RAD51B: variants seen among roughly 807,000 people sequenced by gnomAD.
RAD51B encodes DNA repair protein RAD51 homolog 2.
Under a neutral mutation model 42.2 loss-of-function variants are expected in RAD51B, and 38 were observed. The observed-to-expected ratio is 0.90, with a 90% CI of 0.70 to 1.18. RAD51B has a LOEUF of 1.18. RAD51B is among the 50% of genes most tolerant of loss of function. The probability of loss-of-function intolerance (pLI) is 0.00; values close to 1 mark genes in which losing one functional copy is unlikely to be tolerated. For synonymous variants in RAD51B, 154 were observed against 145.2 expected, an observed-to-expected ratio of 1.06 and a Z score of -0.43; for missense variants, 373 against 400.7, an observed-to-expected ratio of 0.93 and a Z score of 0.59.
At chr14:68,171,338 G>A (rs1226906701) in intron 7 of RAD51B, among the ~76,000 whole-genome samples, 1 of 152,008 alleles carries the variant, frequency 6.6e-6, no homozygotes, top group Non-Finnish European at 1.5e-5. Context: ...CACTCCTGTT[G>A]CCCAGTCTGG....
chr14:68,362,848 C>CAAAAAAAAAATTA (rs1566833930), intron 8 of RAD51B, among the ~76,000 whole-genome samples: 5 of 142,958 alleles, frequency 3.5e-5, no homozygotes, highest in Non-Finnish European at 7.6e-5. Flanking sequence ...GATTCCGTCT[C>CAAAAAAAAAATTA]AAAAAAAAAA....
At chr14:68,407,085 G>A (rs2084296216) in intron 8 of RAD51B, among the ~76,000 whole-genome samples, 2 of 152,126 alleles carry the variant, frequency 1.3e-5, no homozygotes, top group Non-Finnish European at 2.9e-5. Flanking sequence ...CTTAAAATAA[G>A]TAGAATATAC....
chr14:68,315,948 A>G (rs2082053317), intron 8 of RAD51B, among the ~76,000 whole-genome samples: 1 of 152,206 alleles, frequency 6.6e-6, no homozygotes, highest in Admixed American at 6.5e-5. Context: ...GAACAACAGC[A>G]TTGCTCTTTT....
chr14:68,414,426 G>A (rs1274737495), intron 9 of RAD51B, among the ~76,000 whole-genome samples: 1 of 152,084 alleles, frequency 6.6e-6, no homozygotes, highest in Non-Finnish European at 1.5e-5. Flanking sequence ...CCAAAGACAT[G>A]TTCTTAGAGT....
chr14:68,565,489 C>CA lies in RAD51B; in HGVS notation c.1037-28986dup, dbSNP rs61666239. On this transcript the variant is annotated intron_variant, in intron 10 of 10. Coordinates refer to the RAD51B transcript ENST00000487270. The surrounding 1 kb of genome is among the most constrained non-coding windows in gnomAD (Gnocchi z 4.1). ...GAGACTTCAGAGTGAGACTCTGTCT[C>CA]AAAAAAAAAAGAAGTTCTTTCTTAC... Among the ~76,000 whole-genome samples, 98 of 146,988 alleles carry CA rather than the reference C, an allele frequency of 6.7e-4. No individual in the cohort carries two copies. The East Asian group carries it at 9.2e-3, about 14-fold the overall frequency.
At chr14:68,139,903 G>A (rs952881102) in intron 7 of RAD51B, among the ~76,000 whole-genome samples, 4 of 152,118 alleles carry the variant, frequency 2.6e-5, no homozygotes, top group African/African-American at 9.7e-5. Flanking sequence ...GCCATCTTGA[G>A]AGAACACATC....
At chr14:68,341,101 TG>T in intron 8 of RAD51B, among the ~76,000 whole-genome samples, 1 of 152,214 alleles carries the variant, frequency 6.6e-6, no homozygotes, top group East Asian at 1.9e-4. Flanking sequence ...CAAAGCACAA[TG>T]TTAATGACTA....
intron 7 of RAD51B, among the ~76,000 whole-genome samples, chr14:68,018,151 T>C (rs1224344855): frequency 1.3e-5 from 2 of 152,242 alleles, no homozygotes. Context: ...GTTAAAATTT[T>C]ATTTGACCAT....
intron 8 of RAD51B, among the ~76,000 whole-genome samples, chr14:68,345,475 G>C (rs757090675): frequency 6.6e-6 from 1 of 152,048 alleles, no homozygotes; most frequent in Non-Finnish European, 1.5e-5. Context: ...TATTTAAAGA[G>C]TGTGGCACCT....
At chr14:67,948,931 C>CAAAAAAAAAAAAAAAAAAAAA (rs59465805) in intron 7 of RAD51B, among the ~76,000 whole-genome samples, 1 of 17,058 alleles carries the variant, frequency 5.9e-5, no homozygotes, top group Non-Finnish European at 1.2e-4. Flanking sequence ...GACTCTGTCT[C>CAAAAAAAAAAAAAAAAAAAAA]AAAAAAAAAA....
At chr14:68,227,005 G>A (rs768688066) in intron 7 of RAD51B, among the ~76,000 whole-genome samples, 2 of 152,108 alleles carry the variant, frequency 1.3e-5, no homozygotes, top group African/African-American at 4.8e-5. Flanking sequence ...GAACTCTGAT[G>A]GACTCTTCCA....
chr14:68,233,101 G>A (rs2080179187), intron 7 of RAD51B, among the ~76,000 whole-genome samples: 1 of 152,006 alleles, frequency 6.6e-6, no homozygotes, highest in African/African-American at 2.4e-5. Flanking sequence ...GGAGACTTGG[G>A]TATGTTCATT....
chr14:68,199,855 T>C (rs2079447856), intron 7 of RAD51B, among the ~76,000 whole-genome samples: 1 of 152,208 alleles, frequency 6.6e-6, no homozygotes, highest in South Asian at 2.1e-4. Flanking sequence ...CTACTTGCAC[T>C]GTAGCGTTGT....
At chr14:68,260,298 C>CGTGTGTGTGTGTGGGTGTGTGTGTGT (rs2080854042) in intron 7 of RAD51B, among the ~76,000 whole-genome samples, 1 of 96,620 alleles carries the variant, frequency 1.0e-5, no homozygotes, top group Non-Finnish European at 2.0e-5. Context: ...GCTGAGAGAC[C>CGTGTGTGTGTGTGGGTGTGTGTGTGT]GTGTGTGTGT....
chr14:68,261,301 C>T (rs898457483), intron 7 of RAD51B, among the ~76,000 whole-genome samples: 1 of 152,220 alleles, frequency 6.6e-6, no homozygotes, highest in Admixed American at 6.5e-5. Flanking sequence ...GAATGCTCTC[C>T]CTTTTCCTTT....
chr14:68,473,202 G>A (rs1026993608), intron 10 of RAD51B, among the ~76,000 whole-genome samples: 4 of 152,202 alleles, frequency 2.6e-5, no homozygotes, highest in African/African-American at 9.7e-5. Flanking sequence ...TCCGCACCTG[G>A]CACAGCCTGG....
intron 7 of RAD51B, among the ~76,000 whole-genome samples, chr14:67,906,092 G>A (rs566001529): frequency 6.6e-6 from 1 of 152,064 alleles, no homozygotes; most frequent in Non-Finnish European, 1.5e-5. Context: ...TTTATTGAGG[G>A]TTTTTAGCAC....
chr14:68,253,398 C>T (rs1399895284), intron 7 of RAD51B, among the ~76,000 whole-genome samples: 1 of 151,650 alleles, frequency 6.6e-6, no homozygotes, highest in Non-Finnish European at 1.5e-5. Context: ...GTTTAGTTTT[C>T]TGTTCTTCGC....
At chr14:67,856,557 A>G (rs1041936882) in intron 4 of RAD51B, among the ~76,000 whole-genome samples, 1 of 152,150 alleles carries the variant, frequency 6.6e-6, no homozygotes, top group Non-Finnish European at 1.5e-5. Flanking sequence ...CTGGTTTCAG[A>G]TCAGAGCCAG....
Sources: gnomAD v4.1 joint callset for allele counts (sites outside exome capture counted in the v4.1 genomes callset) on GRCh38, gnomAD v4.1.1 for gene constraint, Gnocchi (gnomAD v3.1) non-coding constraint, MANE v1.5 for transcripts, NCBI Gene and HGNC (gene_info 2026-07-23, HGNC 2026-07-21) for gene names.